KIR2DL3: variants seen among roughly 807,000 people sequenced by gnomAD.
KIR2DL3 encodes killer cell immunoglobulin-like receptor 2DL3.
In KIR2DL3, 39 loss-of-function variants were observed where a neutral mutation model predicts 33.8. The ratio of observed to expected loss-of-function variants is 1.15; its 90% CI spans 0.89 to 1.51. KIR2DL3 has a LOEUF of 1.51. Among genes scored for constraint, KIR2DL3 ranks in the 40% most tolerant of loss-of-function variants. The pLI is 0.00. For missense variants in KIR2DL3, 462 were observed against 426.2 expected, an observed-to-expected ratio of 1.08 and a Z score of -0.74; for synonymous variants, 174 against 160.2, an observed-to-expected ratio of 1.09 and a Z score of -0.65.
chr19:54,740,312 T>C (rs1298359955), intron 2 of KIR2DL3, among the ~76,000 whole-genome samples: 1 of 152,036 alleles, frequency 6.6e-6, no homozygotes, highest in African/African-American at 2.4e-5. Flanking sequence ...CCCAGCCTTG[T>C]GGTGCCTCTA....
At chr19:54,745,105 A>T (rs1451132646) in intron 4 of KIR2DL3, among the ~76,000 whole-genome samples, 5 of 151,622 alleles carry the variant, frequency 3.3e-5, no homozygotes, top group African/African-American at 1.2e-4. Context: ...AGTTCCATCC[A>T]TGTGGCTGCA....
chr19:54,747,108 T>A (rs1162295815), intron 4 of KIR2DL3, among the ~76,000 whole-genome samples: 3 of 138,618 alleles, frequency 2.2e-5, no homozygotes. Context: ...TACAGCTCTG[T>A]AACATATTTT....
chr19:54,741,092 G>C (rs138115903), intron 2 of KIR2DL3, among the ~76,000 whole-genome samples: 9,296 of 149,744 alleles, frequency 0.062, 378 homozygotes, highest in African/African-American at 0.12. Flanking sequence ...TGTCAGTGTG[G>C]TCTCTCCTGC....
At chr19:54,747,828 C>T (rs1318711937) in intron 5 of KIR2DL3, among the ~76,000 whole-genome samples, 51 of 151,598 alleles carry the variant, frequency 3.4e-4, no homozygotes, top group South Asian at 4.2e-4. Flanking sequence ...ACAGCCTTGC[C>T]GTAACAGAGA....
chr19:54,744,886 A>ATATATGTATG (rs1568966482), intron 4 of KIR2DL3, among the ~76,000 whole-genome samples: 37 of 67,212 alleles, frequency 5.5e-4, no homozygotes, highest in South Asian at 1.4e-3. Context: ...ATATATATAT[A>ATATATGTATG]TATATATATA....
At chr19:54,746,684 T>C (rs1206319953) in intron 4 of KIR2DL3, among the ~76,000 whole-genome samples, 1 of 150,474 alleles carries the variant, frequency 6.6e-6, no homozygotes, top group Non-Finnish European at 1.5e-5. Flanking sequence ...GGCACCTTTG[T>C]CAAAGTCCAT....
rs1171939093 is a variant in KIR2DL3 at position 54,752,792 on chromosome 19, C to A, written c.*273C>A. ...GCCCACAATTCTCCATTTCACTTGACCCCTGCCCACCTCTCCAACCTAACT... is the reference window on the plus strand; with the variant it reads ...GCCCACAATTCTCCATTTCACTTGAACCCTGCCCACCTCTCCAACCTAACT... On this transcript the variant is annotated 3_prime_UTR_variant, in exon 8 of 8. Coordinates refer to ENST00000342376, the MANE Select transcript of KIR2DL3 (RefSeq NM_015868.3). 7.4e-6 allele frequency: 4 copies of A among 538,004 alleles called. No homozygotes were observed. Among genetic ancestry groups the A allele is most frequent in the African/African-American group, 2.0e-5 (1 of 49,964 alleles). The allele number at this position is 538,004 out of a possible 1,614,324, so 33.3% of individuals were successfully genotyped here.
At position 54,745,917 on chromosome 19, in the gene KIR2DL3, A is replaced by C. The variant is rs1326270719; in HGVS notation, c.665-1418A>C. Among the ~76,000 whole-genome samples the C allele has an allele frequency of 3.3e-3, 469 of 141,394 alleles. 3 individuals carry two copies. Among genetic ancestry groups the C allele is most frequent in the African/African-American group, 0.012 (464 of 38,440 alleles). 92.8% of individuals were successfully genotyped at this position (141,394 alleles called of 152,430 possible). A position where few individuals can be genotyped will look rare whatever the true frequency, so the allele number is the denominator to read the frequency against. ...AACCTCCACCTCCCAGGTTCAAGCG[A>C]TTCTCCTGCCTCAGCCTCCCGAGTA... On this transcript the variant is annotated intron_variant, in intron 4 of 7. Transcript: ENST00000342376.
chr19:54,746,863 A>T (rs1189527625), intron 4 of KIR2DL3, among the ~76,000 whole-genome samples: 1 of 147,686 alleles, frequency 6.8e-6, no homozygotes, highest in Non-Finnish European at 1.5e-5. Context: ...AGCACCTGTA[A>T]TACCACTACT....
In KIR2DL3 at chr19:54,745,915, C is replaced by T. The variant is rs370932882; in HGVS notation, c.665-1420C>T. Among the ~76,000 whole-genome samples, 274 of 140,456 alleles carry T rather than the reference C, an allele frequency of 2.0e-3. 7 individuals carry two copies. Among genetic ancestry groups the T allele is most frequent in the African/African-American group, 6.6e-3 (251 of 38,314 alleles). The allele number at this position is 140,456 out of a possible 152,430, so 92.1% of individuals were successfully genotyped here. On this transcript the variant is annotated intron_variant, in intron 4 of 7. Transcript: ENST00000342376. ...ACAACCTCCACCTCCCAGGTTCAAG[C>T]GATTCTCCTGCCTCAGCCTCCCGAG...
intron 5 of KIR2DL3, among the ~76,000 whole-genome samples, chr19:54,749,371 G>A (rs1475650112): frequency 7.3e-6 from 1 of 137,230 alleles, no homozygotes; most frequent in Non-Finnish European, 1.6e-5. Context: ...CCACCCCACT[G>A]GTGAAATGTG....
intron 4 of KIR2DL3, among the ~76,000 whole-genome samples, chr19:54,745,624 A>G (rs2072354750): frequency 6.6e-6 from 1 of 150,732 alleles, no homozygotes; most frequent in Non-Finnish European, 1.5e-5. Flanking sequence ...TCGGTCTCCC[A>G]AAGTGCCGGG....
chr19:54,752,326 A>T lies in KIR2DL3; in HGVS notation c.874-41A>T, dbSNP rs780099043. On this transcript the variant is annotated intron_variant, in intron 7 of 7. Transcript: ENST00000342376. Reference sequence around the variant, plus strand: ...TGTTATTCCCAAAGAGTCCTGGAAAATGTGAGCACCCTCCCTCACTCAGCA... The same window carrying T: ...TGTTATTCCCAAAGAGTCCTGGAAATTGTGAGCACCCTCCCTCACTCAGCA... 2.7e-6 allele frequency: 4 copies of T among 1,482,928 alleles called. No individual in the cohort carries two copies. In the African/African-American group the frequency reaches 4.6e-5, roughly 17 times the overall value. The allele number at this position is 1,482,928 out of a possible 1,614,324, so 91.9% of individuals were successfully genotyped here.
Position 54,738,522 on chromosome 19 carries a change from C to T in KIR2DL3, c.-24C>T, listed in dbSNP as rs2070186020. On this transcript the variant is annotated 5_prime_UTR_variant, in exon 1 of 8. Transcript: ENST00000342376. ...GCTGCTGAGCTGAGCTGGGGCGCGGCCGCCTGTCTGCACAGACAGCACCAT... is the reference window on the plus strand; with the variant it reads ...GCTGCTGAGCTGAGCTGGGGCGCGGTCGCCTGTCTGCACAGACAGCACCAT... 2.5e-6 allele frequency: 4 copies of T among 1,614,070 alleles called. No homozygotes were observed.
Position 54,751,668 on chromosome 19 carries a change from T to C in KIR2DL3, c.735T>C (p.His245=), listed in dbSNP as rs149938530. 5.2e-3 allele frequency: 7,430 copies of C among 1,427,752 alleles called. 506 individuals are homozygous for C. The highest frequency in any genetic ancestry group is 0.036 in the African/African-American group (2,210 of 60,700). The allele number at this position is 1,427,752 out of a possible 1,614,324, so 88.4% of individuals were successfully genotyped here. A position where few individuals can be genotyped will look rare whatever the true frequency, so the allele number is the denominator to read the frequency against. The change falls in exon 6 of 8, where the codon CAT becomes CAC. Residue 245 remains histidine, a synonymous_variant. Transcript: ENST00000342376. ...TTCCAGGTAACCCCAGACACCTGCA[T>C]GTTCTGATTGGGACCTCAGTGGTCA... ...SSETGNPRHL[H]VLIGTSVVII... is the part of the protein sequence containing the mutation.
chr19:54,752,378 A>G lies in KIR2DL3; in HGVS notation c.885A>G (p.Glu295=). The change falls in exon 8 of 8, where the codon GAA becomes GAG. Residue 295 remains glutamate (E), a synonymous_variant. Coordinates refer to ENST00000342376, the MANE Select transcript of KIR2DL3 (RefSeq NM_015868.3). The stretch of plus-strand genomic sequence containing the variant: ...TTCCCTCTCTCCAGGACTCTGATGA[A>G]CAAGACCCTCAGGAGGTGACATATG... ...NRTVNREDSD[E]QDPQEVTYAQ... 2 of 1,465,924 alleles carry G rather than the reference A, an allele frequency of 1.4e-6. No individual in the cohort carries two copies. The highest frequency in any genetic ancestry group is 1.9e-6 in the Non-Finnish European group (2 of 1,078,414). 90.8% of individuals were successfully genotyped at this position (1,465,924 alleles called of 1,614,324 possible). A position where few individuals can be genotyped will look rare whatever the true frequency, so the allele number is the denominator to read the frequency against.
chr19:54,744,158 G>T (rs1368780309), intron 4 of KIR2DL3, 70 bp downstream of exon 4: 5 of 1,595,886 alleles, frequency 3.1e-6, no homozygotes, highest in Admixed American at 3.5e-5. Context: ...TCCTGCTGAT[G>T]ATGGAGAGAA....
intron 5 of KIR2DL3, among the ~76,000 whole-genome samples, chr19:54,748,829 G>C (rs562719378): frequency 2.0e-5 from 3 of 146,614 alleles, no homozygotes; most frequent in Non-Finnish European, 4.5e-5. Context: ...GTTTCACCAC[G>C]TTGGCCAAGC....
chr19:54,745,463 A>C (rs552225788), intron 4 of KIR2DL3, among the ~76,000 whole-genome samples: 2 of 151,866 alleles, frequency 1.3e-5, no homozygotes, highest in Admixed American at 6.6e-5. Flanking sequence ...CCTGGGTTCA[A>C]ATGATTTTCC....
Sources: allele counts gnomAD v4.1 joint callset (sites outside exome capture counted in the v4.1 genomes callset), GRCh38; gene constraint gnomAD v4.1.1; transcripts MANE v1.5; gene names NCBI Gene and HGNC (gene_info 2026-07-23, HGNC 2026-07-21).